Variants in PECR observed in about 807,000 individuals in gnomAD.
PECR encodes the protein peroxisomal trans-2-enoyl-CoA reductase.
In PECR, 30 loss-of-function variants were observed where a neutral mutation model predicts 35.3. The ratio of observed to expected loss-of-function variants is 0.85; its 90% CI spans 0.64 to 1.15. The LOEUF (loss-of-function observed/expected upper bound fraction) is 1.15, where lower values mean the gene tolerates loss of function less well. Ranked by LOEUF, PECR falls within the 50% of genes most tolerant of loss-of-function variation. The pLI, the probability that PECR is intolerant of heterozygous loss-of-function variation, is 0.00. For missense variants in PECR, 392 were observed against 370.8 expected, an observed-to-expected ratio of 1.06 and a Z score of -0.47; for synonymous variants, 148 against 138.9, an observed-to-expected ratio of 1.07 and a Z score of -0.46.
chr2:216,074,726 G>A (rs1695661712), intron 1 of PECR, among the ~76,000 whole-genome samples: 1 of 152,200 alleles, frequency 6.6e-6, no homozygotes, highest in Non-Finnish European at 1.5e-5. Flanking sequence ...CAAGACTTCA[G>A]GACAGTTGTC....
At chr2:216,041,689 C>T (rs1476707106) in intron 7 of PECR, among the ~76,000 whole-genome samples, 1 of 152,170 alleles carries the variant, frequency 6.6e-6, no homozygotes, top group Non-Finnish European at 1.5e-5. Flanking sequence ...GGCATGATTA[C>T]AGGGTTGGGA....
intron 6 of PECR, among the ~76,000 whole-genome samples, chr2:216,046,310 A>ATATATTTTT (rs1553560626): frequency 1.5e-4 from 15 of 96,960 alleles, no homozygotes; most frequent in African/African-American, 2.3e-4. Context: ...ATATATATAT[A>ATATATTTTT]TTTTTTTTTT....
rs149232872 is a variant in PECR at position 216,041,714 on chromosome 2, C to G, written c.826+2190G>C. Among the ~76,000 whole-genome samples the G allele has an allele frequency of 3.8e-3, 584 of 152,278 alleles. 5 individuals are homozygous for G. Among genetic ancestry groups the G allele is most frequent in the African/African-American group, 0.013 (557 of 41,560 alleles). ...CAGGGTTGGGACCTTCAGCCCATAC[C>G]CACCCCACAACCTCTGGGGAGGTAA... On this transcript the variant is annotated intron_variant, in intron 7 of 7. Transcript: ENST00000265322.
At position 216,081,490 on chromosome 2, in the gene PECR, C is replaced by T. The variant is rs1695848269; in HGVS notation, c.124+128G>A. On this transcript the variant is annotated intron_variant, in intron 1 of 7. Coordinates refer to ENST00000265322, the MANE Select transcript of PECR (RefSeq NM_018441.6). ...TCTCCCTGGTGGTCGTAATTTCGCC[C>T]ACACCTGCCCCGTCTTTGCTCTGCA... 3.3e-6 allele frequency: 4 copies of T among 1,194,522 alleles called. No individual in the cohort carries two copies. The Admixed American group carries it at 6.8e-5, about 20-fold the overall frequency. 74.0% of individuals were successfully genotyped at this position (1,194,522 alleles called of 1,614,324 possible).
chr2:216,056,805 T>A (rs1040179710), intron 4 of PECR, among the ~76,000 whole-genome samples: 4 of 152,158 alleles, frequency 2.6e-5, no homozygotes, highest in Middle Eastern at 3.4e-3. Flanking sequence ...CGAATTTTGT[T>A]TTGCCTATAG....
chr2:216,053,312 C>T (rs1222997922), intron 4 of PECR, among the ~76,000 whole-genome samples: 1 of 151,950 alleles, frequency 6.6e-6, no homozygotes, highest in African/African-American at 2.4e-5. Flanking sequence ...GGCATGATCT[C>T]GGCTCACTGC....
intron 6 of PECR, 102 bp from the exon 7 acceptor site, chr2:216,044,117 A>C: frequency 1.4e-6 from 1 of 703,928 alleles, no homozygotes; most frequent in Non-Finnish European, 2.6e-6. Flanking sequence ...CATGATTGTA[A>C]CATGAATCCA....
downstream of PECR, among the ~76,000 whole-genome samples, chr2:216,033,472 TC>T (rs981135539): frequency 2.6e-5 from 4 of 151,738 alleles, no homozygotes; most frequent in African/African-American, 9.7e-5. Context: ...AAAGAGAGAA[TC>T]CAACAAGAGC....
rs908813152 is a variant in PECR, at chr2:216,038,494, T to G, written c.*781A>C. Reference sequence around the variant, plus strand: ...AATTACCATAAGGCATTATTGCTCCTAAAGTATTTGCCACCAAAAATAAGT... The same window carrying G: ...AATTACCATAAGGCATTATTGCTCCGAAAGTATTTGCCACCAAAAATAAGT... On this transcript the variant is annotated 3_prime_UTR_variant, in exon 8 of 8. Coordinates refer to ENST00000265322, the MANE Select transcript of PECR (RefSeq NM_018441.6). The G allele has an allele frequency of 1.1e-4, 17 of 152,386 alleles. No individual in the cohort carries two copies. Among genetic ancestry groups the G allele is most frequent in the Non-Finnish European group, 7.3e-5 (5 of 68,042 alleles). The allele number at this position is 152,386 out of a possible 1,614,324, so 9.4% of individuals were successfully genotyped here.
intron 3 of PECR, chr2:216,063,889 T>C (rs185644610): frequency 1.4e-3 from 209 of 150,918 alleles, no homozygotes; most frequent in Admixed American, 2.0e-3. Flanking sequence ...ATTTTTTTTC[T>C]TTTTTTTTGT....
intron 1 of PECR, among the ~76,000 whole-genome samples, chr2:216,079,709 C>CGGT (rs892260220): frequency 6.8e-6 from 1 of 146,020 alleles, no homozygotes; most frequent in African/African-American, 2.5e-5. Flanking sequence ...GGGCCGGGCA[C>CGGT]GGTGGCTTAC....
At position 216,050,023 on chromosome 2, in the gene PECR, GC is replaced by G. The variant is rs956716308; in HGVS notation, c.604-651del. On this transcript the variant is annotated intron_variant, in intron 5 of 7. Transcript: ENST00000265322. Reference sequence around the variant, plus strand: ...GTGTGAGCCTAGGAGTTTGAGACCAGCCTGGGCAAAATAGGGAGACTATGTC... The same window carrying G: ...GTGTGAGCCTAGGAGTTTGAGACCAGCTGGGCAAAATAGGGAGACTATGTC... Among the ~76,000 whole-genome samples the G allele has an allele frequency of 1.3e-3, 201 of 152,208 alleles. 1 individual carries two copies. Among genetic ancestry groups the G allele is most frequent in the Non-Finnish European group, 2.5e-3 (171 of 68,000 alleles).
chr2:216,069,186 C>T (rs1247271148), intron 1 of PECR, among the ~76,000 whole-genome samples: 2 of 152,184 alleles, frequency 1.3e-5, no homozygotes, highest in African/African-American at 2.4e-5. Flanking sequence ...AACTTTACTG[C>T]TAGCTTTTCA....
At chr2:216,062,659 A>G (rs1478183374) in intron 3 of PECR, among the ~76,000 whole-genome samples, 2 of 152,186 alleles carry the variant, frequency 1.3e-5, no homozygotes, top group Non-Finnish European at 2.9e-5. Flanking sequence ...GAAAAAGTAG[A>G]AAGGGCAGAG....
In PECR at chr2:216,043,939, C is replaced by T; in HGVS notation, c.791G>A (p.Gly264Asp). 1 of 1,610,548 alleles carries T rather than the reference C, an allele frequency of 6.2e-7. No homozygotes were observed. The highest frequency in any genetic ancestry group is 2.2e-5 in the East Asian group (1 of 44,860). The change falls in exon 7 of 8, where the codon GGC becomes GAC. Residue 264 changes from glycine (G) to aspartate (D), a missense_variant. Gly to Asp is a moderately conservative substitution (Grantham distance 94). Coordinates refer to ENST00000265322, the MANE Select transcript of PECR (RefSeq NM_018441.6). ...ATACGAGTGAGTATAGAGACTCCGGCCCCCATCCACATCCACCGACTGTCC... is the reference window on the plus strand; with the variant it reads ...ATACGAGTGAGTATAGAGACTCCGGTCCCCATCCACATCCACCGACTGTCC... ...ITGQSVDVDG[G>D]RSLYTHSYEV...
At chr2:216,029,529 C>T (rs112289571) in intron 7 of PECR, among the ~76,000 whole-genome samples, 1 of 152,180 alleles carries the variant, frequency 6.6e-6, no homozygotes, top group Non-Finnish European at 1.5e-5. Context: ...ATGATAAACA[C>T]AAGGCAGAAG....
In PECR at chr2:216,043,994, G is replaced by A; in HGVS notation, c.736C>T (p.Leu246=). The A allele has an allele frequency of 6.2e-7, 1 of 1,608,898 alleles. No homozygotes were observed. The highest frequency in any genetic ancestry group is 1.1e-5 in the South Asian group (1 of 90,968). Residue 246 remains leucine (L), a synonymous_variant, in exon 7 of 8, where the codon CTA becomes TTA. Coordinates refer to ENST00000265322, the MANE Select transcript of PECR (RefSeq NM_018441.6). The part of the protein sequence containing the change: ...PEEVSSVVCF[L]LSPAASFITG... Reference sequence around the variant, plus strand: ...ATGAAGGAAGCTGCAGGAGACAGTAGGAAGCAGACCACAGAGGAGACCTGG... The same window carrying A: ...ATGAAGGAAGCTGCAGGAGACAGTAAGAAGCAGACCACAGAGGAGACCTGG...
intron 3 of PECR, among the ~76,000 whole-genome samples, chr2:216,060,635 C>A (rs1209062099): frequency 6.6e-6 from 1 of 152,096 alleles, no homozygotes; most frequent in East Asian, 1.9e-4. Context: ...CCACTACTCT[C>A]CAGCCTGGGT....
chr2:216,063,591 CTG>C (rs1215133791), intron 3 of PECR, among the ~76,000 whole-genome samples: 1 of 151,626 alleles, frequency 6.6e-6, no homozygotes, highest in African/African-American at 2.4e-5. Flanking sequence ...GCACTCCAGC[CTG>C]TGTGACAGAG....
Sources: allele counts gnomAD v4.1 joint callset (sites outside exome capture counted in the v4.1 genomes callset), GRCh38; gene constraint gnomAD v4.1.1; transcripts MANE v1.5; gene names NCBI Gene and HGNC (gene_info 2026-07-23, HGNC 2026-07-21).